Variants in CADM2 observed in about 807,000 individuals in gnomAD.
CADM2 encodes the protein immunoglobulin superfamily member 4D.
CADM2 carries 12 observed loss-of-function variants against 49.8 expected under a neutral mutation model. That is an observed-to-expected ratio of 0.24 (90% CI 0.15 to 0.39). The LOEUF is 0.39. CADM2 is among the 10% of genes least tolerant of loss of function. The pLI, the probability that CADM2 is intolerant of heterozygous loss-of-function variation, is 1.00. For synonymous variants in CADM2, 214 were observed against 175.4 expected, an observed-to-expected ratio of 1.22 and a Z score of -1.74; for missense variants, 378 against 492.3, an observed-to-expected ratio of 0.77 and a Z score of 2.20.
At chr3:85,272,712 A>T (rs982929461) in intron 1 of CADM2, among the ~76,000 whole-genome samples, 2 of 151,276 alleles carry the variant, frequency 1.3e-5, no homozygotes, top group Non-Finnish European at 3.0e-5. Flanking sequence ...GAGTTATATC[A>T]CTTCACCAGT....
At chr3:86,020,149 G>A (rs1202084595) in intron 8 of CADM2, among the ~76,000 whole-genome samples, 6 of 152,078 alleles carry the variant, frequency 3.9e-5, no homozygotes, top group Non-Finnish European at 8.8e-5. Flanking sequence ...AAATGATAAA[G>A]GGGATGTCAC....
At chr3:85,391,400 G>A (rs1017188693) in intron 1 of CADM2, among the ~76,000 whole-genome samples, 3 of 152,004 alleles carry the variant, frequency 2.0e-5, no homozygotes, top group African/African-American at 7.2e-5. Flanking sequence ...GGTTATAGAT[G>A]TTTAAGGGTA....
intron 1 of CADM2, among the ~76,000 whole-genome samples, chr3:85,544,834 AAG>A (rs1223202654): frequency 2.4e-5 from 1 of 42,218 alleles, no homozygotes; most frequent in Non-Finnish European, 1.0e-4. Flanking sequence ...AAAAAAAGAA[AAG>A]AAAAGGAGAA....
chr3:85,912,012 G>C (rs1717666460), intron 5 of CADM2, among the ~76,000 whole-genome samples: 1 of 150,604 alleles, frequency 6.6e-6, no homozygotes, highest in Admixed American at 6.6e-5. Flanking sequence ...CGCCATCTCT[G>C]CTCACTCTGC....
chr3:85,312,173 C>T lies in CADM2; in HGVS notation c.61+352505C>T, dbSNP rs945328295. Among the ~76,000 whole-genome samples the T allele has an allele frequency of 3.9e-5, 6 of 151,964 alleles. No individual in the cohort carries two copies. The South Asian group carries it at 8.3e-4, about 21-fold the overall frequency. On this transcript the variant is annotated intron_variant, in intron 1 of 9. Coordinates refer to ENST00000383699, the MANE Select transcript of CADM2 (RefSeq NM_001167675.2). ...GACAATCCCCACGTTAGAATCATCTCTTCATTGTTAAAATACCAATAGCTT... is the reference window on the plus strand; with the variant it reads ...GACAATCCCCACGTTAGAATCATCTTTTCATTGTTAAAATACCAATAGCTT...
intron 1 of CADM2, among the ~76,000 whole-genome samples, chr3:85,694,676 C>T (rs1318490723): frequency 2.0e-5 from 3 of 152,154 alleles, no homozygotes; most frequent in African/African-American, 7.2e-5. Context: ...TTATTGAACA[C>T]CATCTATACT....
At chr3:85,331,774 C>A (rs1559783776) in intron 1 of CADM2, among the ~76,000 whole-genome samples, 1 of 152,030 alleles carries the variant, frequency 6.6e-6, no homozygotes, top group Non-Finnish European at 1.5e-5. Context: ...CACATCCTCA[C>A]CAGCATTCAT....
At chr3:85,394,948 T>C (rs1318950386) in intron 1 of CADM2, among the ~76,000 whole-genome samples, 1 of 152,184 alleles carries the variant, frequency 6.6e-6, no homozygotes, top group Admixed American at 6.5e-5. Context: ...CACAAAACTT[T>C]TCCCATAGTT....
At chr3:86,018,194 A>C (rs148712295) in intron 8 of CADM2, among the ~76,000 whole-genome samples, 2 of 123,414 alleles carry the variant, frequency 1.6e-5, no homozygotes, top group African/African-American at 6.3e-5. Flanking sequence ...ATGTCCCTAC[A>C]AAGGACATGA....
intron 1 of CADM2, among the ~76,000 whole-genome samples, chr3:84,987,222 GA>G (rs775608194): frequency 9.2e-5 from 14 of 151,874 alleles, no homozygotes; most frequent in Non-Finnish European, 1.8e-4. Context: ...TCGGCTCACT[GA>G]AAGTTCCATC....
At chr3:85,035,606 G>A (rs1385417903) in intron 1 of CADM2, among the ~76,000 whole-genome samples, 1 of 152,054 alleles carries the variant, frequency 6.6e-6, no homozygotes, top group Non-Finnish European at 1.5e-5. Context: ...GTATATGGGG[G>A]GAGATAGGAC....
intron 8 of CADM2, 94 bp downstream of exon 8, chr3:85,961,741 T>A: frequency 2.6e-6 from 2 of 765,632 alleles, no homozygotes; most frequent in Non-Finnish European, 3.8e-6. Flanking sequence ...TGAACAAAAT[T>A]ATATGGTTTC....
chr3:85,236,083 T>C (rs2042400923), intron 1 of CADM2, among the ~76,000 whole-genome samples: 1 of 152,098 alleles, frequency 6.6e-6, no homozygotes, highest in Non-Finnish European at 1.5e-5. Context: ...CCTGGATGGA[T>C]GATGTTATTC....
intron 1 of CADM2, among the ~76,000 whole-genome samples, chr3:85,368,811 G>T (rs554529140): frequency 9.9e-5 from 15 of 152,064 alleles, no homozygotes; most frequent in South Asian, 6.2e-4. Context: ...CTCATTGTTT[G>T]CTCCCCATTT....
At chr3:85,859,978 C>T (rs1238586155) in intron 3 of CADM2, among the ~76,000 whole-genome samples, 1 of 152,092 alleles carries the variant, frequency 6.6e-6, no homozygotes, top group East Asian at 1.9e-4. Flanking sequence ...TTAATACACT[C>T]ATGTTAAATT....
Position 84,960,615 on chromosome 3 carries a change from T to A in CADM2, c.61+947T>A, listed in dbSNP as rs181700553. The stretch of plus-strand genomic sequence containing the variant: ...CCGTAATTAATATTATCCTTTCACG[T>A]GAAATGTAAGAACCTCTGCGACCGC... On this transcript the variant is annotated intron_variant, in intron 1 of 9. Coordinates refer to ENST00000383699, the MANE Select transcript of CADM2 (RefSeq NM_001167675.2). 2.6e-4 allele frequency among the ~76,000 whole-genome samples: 39 copies of A among 152,276 alleles called. No individual in the cohort carries two copies. In the East Asian group the frequency reaches 7.5e-3, roughly 29 times the overall value.
At chr3:85,721,658 G>A (rs1032244393) in intron 1 of CADM2, among the ~76,000 whole-genome samples, 3 of 152,178 alleles carry the variant, frequency 2.0e-5, no homozygotes, top group Non-Finnish European at 4.4e-5. Flanking sequence ...AGCTTCCACA[G>A]CTGGCACCGG....
chr3:85,323,185 A>G (rs984069294), intron 1 of CADM2, among the ~76,000 whole-genome samples: 3 of 152,320 alleles, frequency 2.0e-5, no homozygotes, highest in Admixed American at 6.5e-5. Context: ...CTAGGACTGA[A>G]TGCAATCTCT....
chr3:85,230,654 A>T (rs962827969), intron 1 of CADM2, among the ~76,000 whole-genome samples: 1 of 152,112 alleles, frequency 6.6e-6, no homozygotes, highest in Non-Finnish European at 1.5e-5. Context: ...GCTGTTCTTT[A>T]TTTTTACATC....
Sources: gnomAD v4.1 joint callset for allele counts (sites outside exome capture counted in the v4.1 genomes callset) on GRCh38, gnomAD v4.1.1 for gene constraint, MANE v1.5 for transcripts, NCBI Gene and HGNC (gene_info 2026-07-23, HGNC 2026-07-21) for gene names.